The following CHEK1 variants were observed in gnomAD, a reference collection of about 807,000 sequenced individuals.
CHEK1 encodes the protein checkpoint kinase 1.
A neutral mutation model predicts 60.2 loss-of-function variants in CHEK1; 32 were observed. The observed-to-expected ratio is 0.53, with a 90% CI of 0.40 to 0.71. The LOEUF (loss-of-function observed/expected upper bound fraction) is 0.71, where lower values mean the gene tolerates loss of function less well. Ranked by LOEUF, CHEK1 falls within the 30% of genes least tolerant of loss-of-function variation. CHEK1 has a pLI of 0.00. For synonymous variants in CHEK1, 179 were observed against 187.2 expected (o/e 0.96, Z 0.36); for missense variants, 399 against 564.6 (o/e 0.71, Z 2.97).
In CHEK1 at chr11:125,643,877, C is replaced by T. The variant is rs766554144; in HGVS notation, c.900C>T (p.Phe300=). ...FSKHIQSNLD[F]SPVNSASSEE... ...AGCACATTCAATCCAATTTGGACTT[C>T]TCTCCAGTAAACAGTGCTTCTAGGT... The change falls in exon 9 of 13, where the codon TTC becomes TTT. Residue 300 remains phenylalanine, a synonymous_variant. Transcript: ENST00000438015. The T allele has an allele frequency of 6.2e-7, 1 of 1,613,898 alleles. No homozygotes were observed. The highest frequency in any genetic ancestry group is 8.5e-7 in the Non-Finnish European group (1 of 1,179,904).
At chr11:125,663,108 G>A (rs1304570102) in intron 13 of CHEK1, among the ~76,000 whole-genome samples, 1 of 150,228 alleles carries the variant, frequency 6.7e-6, no homozygotes, top group Non-Finnish European at 1.5e-5. Flanking sequence ...CGAGATACTA[G>A]TCCTTTGTCA....
At chr11:125,672,342 C>G in intron 13 of CHEK1, 1 of 428,546 alleles carries the variant, frequency 2.3e-6, no homozygotes, top group Non-Finnish European at 4.1e-6. Context: ...TGTGCTTTAA[C>G]CATGTGAAAT....
chr11:125,631,356 A>T (rs1186591364), intron 5 of CHEK1, among the ~76,000 whole-genome samples: 1 of 152,184 alleles, frequency 6.6e-6, no homozygotes, highest in Non-Finnish European at 1.5e-5. Flanking sequence ...TTTCATCACA[A>T]ATATATTCTT....
chr11:125,631,234 C>A (rs1940847601), intron 5 of CHEK1, among the ~76,000 whole-genome samples: 1 of 151,968 alleles, frequency 6.6e-6, no homozygotes, highest in Non-Finnish European at 1.5e-5. Flanking sequence ...CATTGTTATT[C>A]TTTATATCTT....
At chr11:125,631,908 C>T (rs1011361104) in intron 5 of CHEK1, among the ~76,000 whole-genome samples, 1 of 148,150 alleles carries the variant, frequency 6.7e-6, no homozygotes, top group Non-Finnish European at 1.5e-5. Flanking sequence ...CAGTAGCTAC[C>T]TCCTAAGTCA....
chr11:125,626,434 C>T (rs932431136), intron 1 of CHEK1: 11 of 450,012 alleles, frequency 2.4e-5, no homozygotes, highest in African/African-American at 1.9e-4. Flanking sequence ...CCTCTCCCTC[C>T]TCCTTCCCCA....
At chr11:125,677,594 G>T (rs189528758), downstream of CHEK1, among the ~76,000 whole-genome samples, 353 of 152,184 alleles carry the variant, frequency 2.3e-3, 2 homozygotes, top group African/African-American at 7.5e-3. Context: ...TCTTATAGAG[G>T]GCCCTCCATA....
chr11:125,640,567 TTTTA>T (rs953648060), intron 8 of CHEK1, among the ~76,000 whole-genome samples: 15 of 147,966 alleles, frequency 1.0e-4, no homozygotes, highest in African/African-American at 2.7e-4. Context: ...AATTCATGGG[TTTTA>T]TTTATTTATT....
At position 125,655,282 on chromosome 11, in the gene CHEK1, A is replaced by G. The variant is rs764175263; in HGVS notation, c.1393A>G (p.Ile465Val). The change falls in exon 13 of 13, where the codon ATT becomes GTT. Residue 465 changes from isoleucine to valine, a missense_variant. Transcript: ENST00000438015. ...GAAGATTAAAGGGAAGCTGATTGAT[A>G]TTGTGAGCAGCCAGAAGATTTGGCT... ...FLKIKGKLID[I>V]VSSQKIWLPA... The G allele has an allele frequency of 1.4e-5, 22 of 1,613,832 alleles. No individual in the cohort carries two copies. Among genetic ancestry groups the G allele is most frequent in the Non-Finnish European group, 1.9e-5 (22 of 1,179,720 alleles).
At chr11:125,665,869 C>CCTT (rs1329660137) in intron 13 of CHEK1, among the ~76,000 whole-genome samples, 1 of 30,514 alleles carries the variant, frequency 3.3e-5, no homozygotes, top group African/African-American at 1.4e-4. Context: ...CTTCATTCCC[C>CCTT]TTTTTTTTTT....
At chr11:125,672,868 A>T in intron 13 of CHEK1, 1 of 1,003,176 alleles carries the variant, frequency 1.0e-6, no homozygotes, top group Non-Finnish European at 1.4e-6. Context: ...TTCCTCTGGG[A>T]ACTTGCCCCC....
At chr11:125,640,316 C>T (rs1293052255) in intron 8 of CHEK1, among the ~76,000 whole-genome samples, 14 of 151,910 alleles carry the variant, frequency 9.2e-5, no homozygotes, top group East Asian at 2.0e-4. Flanking sequence ...CCAAGGCGGG[C>T]GGATCACGAG....
downstream of CHEK1, among the ~76,000 whole-genome samples, chr11:125,660,991 G>T (rs140934005): frequency 2.7e-3 from 409 of 152,186 alleles, 1 homozygote; most frequent in African/African-American, 8.9e-3. Context: ...GGTCAGGCTG[G>T]TCTCAAACTC....
intron 13 of CHEK1, among the ~76,000 whole-genome samples, chr11:125,669,617 G>A (rs1205801787): frequency 2.1e-5 from 3 of 144,714 alleles, no homozygotes; most frequent in Admixed American, 1.4e-4. Context: ...TCCGCCTCCC[G>A]GGTTTAAGTG....
chr11:125,664,506 A>T (rs1942067279), intron 13 of CHEK1, among the ~76,000 whole-genome samples: 1 of 152,104 alleles, frequency 6.6e-6, no homozygotes, highest in Non-Finnish European at 1.5e-5. Flanking sequence ...AAGTACTGGG[A>T]TTACAGGTGT....
intron 7 of CHEK1, among the ~76,000 whole-genome samples, chr11:125,637,105 T>A (rs929845483): frequency 5.3e-5 from 8 of 152,178 alleles, no homozygotes; most frequent in African/African-American, 1.9e-4. Flanking sequence ...GGAGGTCACG[T>A]GAGAACATGA....
chr11:125,667,508 G>A (rs1369381426), intron 13 of CHEK1, among the ~76,000 whole-genome samples: 1 of 151,928 alleles, frequency 6.6e-6, no homozygotes. Context: ...GATTCTTTAG[G>A]GTTTTTCATG....
chr11:125,626,745 A>G lies in CHEK1; in HGVS notation c.-20-4A>G. ...CATCTTTTCTGGATTCCTGCCTTTT[A>G]CAGCCGAGGTGCTCGGTGGAGTCAT... On this transcript the variant is annotated splice_region_variant and splice_polypyrimidine_tract_variant and intron_variant, in intron 1 of 12. Transcript: ENST00000438015. 6.2e-7 allele frequency: 1 copy of G among 1,613,854 alleles called. No homozygotes were observed. The highest frequency in any genetic ancestry group is 8.5e-7 in the Non-Finnish European group (1 of 1,179,820).
Position 125,625,578 on chromosome 11 carries a change from G to A in CHEK1, c.-455G>A, listed in dbSNP as rs1218678549. On this transcript the variant is annotated 5_prime_UTR_variant, in exon 1 of 13. Coordinates refer to ENST00000438015, the MANE Select transcript of CHEK1 (RefSeq NM_001114122.3). ...GTGGCCTCACGCAGGTGGCGGTGCA[G>A]CCTTTCAGGCCCAGAGCGGCCAGGA... 1.4e-5 allele frequency: 8 copies of A among 588,822 alleles called. No homozygotes were observed. The highest frequency in any genetic ancestry group is 5.6e-5 in the African/African-American group (3 of 53,698). The allele number at this position is 588,822 out of a possible 1,614,324, so 36.5% of individuals were successfully genotyped here.
Sources: allele counts gnomAD v4.1 joint callset (sites outside exome capture counted in the v4.1 genomes callset), GRCh38; gene constraint gnomAD v4.1.1; transcripts MANE v1.5; gene names NCBI Gene and HGNC (gene_info 2026-07-23, HGNC 2026-07-21).